Variants in SHKBP1 observed in about 807,000 individuals in gnomAD.
SHKBP1 encodes SH3KBP1 binding protein 1, also known as SH3KBP1-binding protein 1.
SHKBP1 carries 71 observed loss-of-function variants against 83.9 expected under a neutral mutation model. That is an observed-to-expected ratio of 0.85 (90% confidence interval 0.70 to 1.03). The LOEUF is 1.03. Ranked by LOEUF, SHKBP1 falls within the 50% of genes least tolerant of loss-of-function variation. The pLI, the probability that SHKBP1 is intolerant of heterozygous loss-of-function variation, is 0.00. For synonymous variants in SHKBP1, 371 were observed against 398.0 expected (o/e 0.93, Z 0.81); for missense variants, 824 against 982.4 (o/e 0.84, Z 2.16).
At chr19:40,587,371 C>T (rs1422816219) in intron 13 of SHKBP1, among the ~76,000 whole-genome samples, 1 of 152,186 alleles carries the variant, frequency 6.6e-6, no homozygotes, top group Non-Finnish European at 1.5e-5. Context: ...GGGTAGATTA[C>T]TTGAGGTCAG....
At chr19:40,579,098 C>CTATTT (rs2081246523) in intron 6 of SHKBP1, among the ~76,000 whole-genome samples, 1 of 151,624 alleles carries the variant, frequency 6.6e-6, no homozygotes, top group Non-Finnish European at 1.5e-5. Flanking sequence ...GAAAAACAAT[C>CTATTT]ATTTATTTAT....
chr19:40,578,078 T>C (rs762521810), intron 4 of SHKBP1, 76 bp from the exon 5 acceptor site: 1 of 1,242,198 alleles, frequency 8.1e-7, no homozygotes, highest in Admixed American at 1.7e-5. Flanking sequence ...CTGTGCAGTT[T>C]TGAAAATTAC....
intron 12 of SHKBP1, 55 bp from the exon 13 acceptor site, chr19:40,586,719 C>T: frequency 2.8e-6 from 4 of 1,436,512 alleles, no homozygotes; most frequent in Non-Finnish European, 2.8e-6. Context: ...TTCTCCCTGC[C>T]CTGGTTTCTG....
chr19:40,586,363 CTTTCTTTCTTTT>C (rs2081311893), intron 12 of SHKBP1, among the ~76,000 whole-genome samples: 1 of 150,444 alleles, frequency 6.6e-6, no homozygotes, highest in African/African-American at 2.4e-5. Context: ...CTCTTTCTTT[CTTTCTTTCTTTT>C]TTTTTTTTTG....
rs2081222931 is a variant in SHKBP1 at position 40,577,231 on chromosome 19, A to G, written c.87A>G (p.Arg29=). 1.2e-6 allele frequency: 2 copies of G among 1,613,414 alleles called. No individual in the cohort carries two copies. Among genetic ancestry groups the G allele is most frequent in the East Asian group, 4.5e-5 (2 of 44,850 alleles). The part of the protein sequence containing the change: ...EVIHLNVGGK[R]FSTSRQTLTW... ...GCGTCCGTTTACCTTCCCCGCCCAG[A>G]TTCAGTACCTCTCGCCAGACTCTCA... The change falls in exon 2 of 18, where the codon AGA becomes AGG. Residue 29 remains arginine (R), a splice_region_variant and synonymous_variant. Transcript: ENST00000291842.
intron 13 of SHKBP1, among the ~76,000 whole-genome samples, chr19:40,588,401 G>A (rs935760159): frequency 2.0e-5 from 3 of 152,206 alleles, no homozygotes; most frequent in African/African-American, 7.2e-5. Context: ...CCGGTGTGGG[G>A]CAGAGGATAG....
intron 13 of SHKBP1, among the ~76,000 whole-genome samples, chr19:40,588,393 G>T (rs529395041): frequency 1.3e-5 from 2 of 152,322 alleles, no homozygotes; most frequent in South Asian, 2.1e-4. Flanking sequence ...GACCAGGACC[G>T]GTGTGGGGCA....
In SHKBP1 at chr19:40,577,443, T is replaced by A; in HGVS notation, c.186+2T>A. The A allele has an allele frequency of 6.2e-7, 1 of 1,612,532 alleles. No individual in the cohort carries two copies. The highest frequency in any genetic ancestry group is 8.5e-7 in the Non-Finnish European group (1 of 1,179,750). On this transcript the variant is annotated splice_donor_variant, in intron 3 of 17. Transcript: ENST00000291842. LOFTEE classifies it high-confidence loss of function. The stretch of plus-strand genomic sequence containing the variant: ...ACGCTGAAAGATGAGACCGGAGCAG[T>A]GAGTCGGACAAGAACTGAAATGGGA...
chr19:40,577,087 G>A, intron 1 of SHKBP1, 102 bp downstream of exon 1: 1 of 1,047,916 alleles, frequency 9.5e-7, no homozygotes, highest in East Asian at 2.7e-5. Flanking sequence ...GGGTTGCTCC[G>A]CCCCCCCCCC....
rs372564795 is a variant in SHKBP1, at chr19:40,591,164, C to T, written c.2081C>T (p.Pro694Leu). Reference sequence around the variant, plus strand: ...TGGCCCTCCAGCGGTCTCGGCACTCCCCTCACACCTCCCAAGATGAAGCTC... The same window carrying T: ...TGGCCCTCCAGCGGTCTCGGCACTCTCCTCACACCTCCCAAGATGAAGCTC... ...APWPSSGLGT[P>L]LTPPKMKLNE... Residue 694 changes from proline (P) to leucine (L), a missense_variant, in exon 18 of 18, where the codon CCC (proline) becomes CTC (leucine). Pro to Leu is a moderately conservative substitution (Grantham distance 98, BLOSUM62 -3). This residue lies in a region of SHKBP1 where 287 missense variants were observed against 322.9 expected (regional missense o/e 0.89). Transcript: ENST00000291842. 4 of 1,598,712 alleles carry T rather than the reference C, an allele frequency of 2.5e-6. No individual in the cohort carries two copies. The highest frequency in any genetic ancestry group is 2.3e-5 in the East Asian group (1 of 44,332).
intron 12 of SHKBP1, 114 bp from the exon 13 acceptor site, chr19:40,586,660 C>T: frequency 9.0e-7 from 1 of 1,108,122 alleles, no homozygotes; most frequent in Non-Finnish European, 1.2e-6. Flanking sequence ...GCCACCGTGC[C>T]CGGCCTCTCC....
At chr19:40,577,703 T>A (rs1181657436) in intron 4 of SHKBP1, 73 bp downstream of exon 4, 1 of 1,500,334 alleles carries the variant, frequency 6.7e-7, no homozygotes. Flanking sequence ...CTCCTCTGAA[T>A]GTCCACGTGA....
At chr19:40,583,772 C>A in intron 12 of SHKBP1, 55 bp downstream of exon 12, 1 of 1,373,206 alleles carries the variant, frequency 7.3e-7, no homozygotes, top group Non-Finnish European at 1.0e-6. Context: ...CCAGCCCCAG[C>A]CTGCAGCTGT....
chr19:40,577,357 C>G, intron 2 of SHKBP1, 39 bp from the exon 3 acceptor site: 2 of 1,613,860 alleles, frequency 1.2e-6, no homozygotes, highest in Non-Finnish European at 1.7e-6. Context: ...TATCCACTCC[C>G]CCGGCCCGTG....
rs766405624 is a variant in SHKBP1, at chr19:40,576,917, T to C, written c.18T>C (p.Thr6=). ...CGGGGGCCATGGCAGCAGCGGCTAC[T>C]GCAGCCGAGGGGGTCCCCAGTCGGG... The part of the protein sequence containing the change: MAAAA[T]AAEGVPSRGP... Residue 6 remains threonine (T), a synonymous_variant, in exon 1 of 18, where the codon ACT becomes ACC. Transcript: ENST00000291842. The C allele has an allele frequency of 6.8e-7, 1 of 1,479,714 alleles. No homozygotes were observed. Among genetic ancestry groups the C allele is most frequent in the South Asian group, 1.4e-5 (1 of 71,588 alleles). The allele number at this position is 1,479,714 out of a possible 1,614,324, so 91.7% of individuals were successfully genotyped here.
At position 40,577,948 on chromosome 19, in the gene SHKBP1, TACACACACACACACACACAC is replaced by T. The variant is rs58880858; in HGVS notation, c.261-181_261-162del. The T allele has an allele frequency of 2.7e-4, 153 of 567,660 alleles. No homozygotes were observed. The African/African-American group carries it at 2.7e-3, about 10-fold the overall frequency. The allele number at this position is 567,660 out of a possible 1,614,324, so 35.2% of individuals were successfully genotyped here. A position where few individuals can be genotyped will look rare whatever the true frequency, so the allele number is the denominator to read the frequency against. ...AATTTTATGTCCTTCGATTTCTCCC[TACACACACACACACACACAC>T]ACACACACACACACACACACACACT... On this transcript the variant is annotated intron_variant, in intron 4 of 17. Transcript: ENST00000291842.
In SHKBP1 at chr19:40,582,400, C is replaced by T. The variant is rs151185658; in HGVS notation, c.894C>T (p.Asn298=). ...VPVEALFFVG[N]QLIATSHTGR... Reference sequence around the variant, plus strand: ...TGGAGGCCTTGTTCTTCGTCGGGAACCAGCTCATTGCTACAAGCCACACAG... The same window carrying T: ...TGGAGGCCTTGTTCTTCGTCGGGAATCAGCTCATTGCTACAAGCCACACAG... The change falls in exon 10 of 18, where the codon AAC becomes AAT. Residue 298 remains asparagine (N), a synonymous_variant. Coordinates refer to ENST00000291842, the MANE Select transcript of SHKBP1 (RefSeq NM_138392.4). 5.0e-6 allele frequency: 8 copies of T among 1,614,144 alleles called. No homozygotes were observed. The highest frequency in any genetic ancestry group is 1.6e-4 in the Middle Eastern group (1 of 6,062).
chr19:40,589,010 C>T (rs2081334677), intron 14 of SHKBP1, 72 bp from the exon 15 acceptor site: 1 of 1,500,898 alleles, frequency 6.7e-7, no homozygotes, highest in African/African-American at 1.4e-5. Flanking sequence ...TGGTGGGTTT[C>T]ATCAGTGGGG....
At position 40,590,192 on chromosome 19, in the gene SHKBP1, C is replaced by T. The variant is rs990584016; in HGVS notation, c.1590-52C>T. 3.2e-5 allele frequency: 47 copies of T among 1,489,442 alleles called. No individual in the cohort carries two copies. Among genetic ancestry groups the T allele is most frequent in the Non-Finnish European group, 3.0e-5 (34 of 1,116,474 alleles). The allele number at this position is 1,489,442 out of a possible 1,614,324, so 92.3% of individuals were successfully genotyped here. A position where few individuals can be genotyped will look rare whatever the true frequency, so the allele number is the denominator to read the frequency against. On this transcript the variant is annotated intron_variant, in intron 15 of 17. Transcript: ENST00000291842. The surrounding 1 kb of genome is among the most constrained non-coding windows in gnomAD (Gnocchi z 4.6). Reference sequence around the variant, plus strand: ...GCAGCCACAGTGGTGGGGACTGGGACGAGGAAGGGTGAGAAAGCGAGGGTG... The same window carrying T: ...GCAGCCACAGTGGTGGGGACTGGGATGAGGAAGGGTGAGAAAGCGAGGGTG...
Sources: gnomAD v4.1 joint callset for allele counts (sites outside exome capture counted in the v4.1 genomes callset) on GRCh38, gnomAD v4.1.1 for gene constraint, gnomAD v4.1.1 regional missense constraint, Gnocchi (gnomAD v3.1) non-coding constraint, MANE v1.5 for transcripts, NCBI Gene and HGNC (gene_info 2026-07-23, HGNC 2026-07-21) for gene names.